The following MCPH1 variants were observed in gnomAD, a reference collection of about 807,000 sequenced individuals.
MCPH1 encodes microcephalin 1, also known as microcephalin.
A neutral mutation model predicts 84.5 loss-of-function variants in MCPH1; 104 were observed. The observed-to-expected ratio is 1.23, with a 90% CI of 1.05 to 1.45. MCPH1 has a LOEUF of 1.45. MCPH1 is among the 40% of genes most tolerant of loss of function. The pLI is 0.00. For synonymous variants in MCPH1, 514 were observed against 366.8 expected (o/e 1.40, Z -4.58); for missense variants, 1,498 against 1,005.7 (o/e 1.49, Z -6.62).
chr8:6,569,431 A>G (rs1336334300), intron 12 of MCPH1, among the ~76,000 whole-genome samples: 1 of 152,220 alleles, frequency 6.6e-6, no homozygotes, highest in Non-Finnish European at 1.5e-5. Flanking sequence ...GCTGCTCATC[A>G]TGTTACACTA....
intron 12 of MCPH1, among the ~76,000 whole-genome samples, chr8:6,582,674 C>A (rs1434372555): frequency 6.6e-6 from 1 of 152,196 alleles, no homozygotes; most frequent in African/African-American, 2.4e-5. Flanking sequence ...CATTACCCTG[C>A]CTTCCCCGTC....
intron 11 of MCPH1, among the ~76,000 whole-genome samples, chr8:6,496,092 A>G (rs904768143): frequency 1.3e-5 from 2 of 152,232 alleles, no homozygotes; most frequent in Non-Finnish European, 2.9e-5. Context: ...ACATTGTAAT[A>G]TATAATGAAG....
chr8:6,532,587 A>AAAG, intron 12 of MCPH1: 1 of 892,444 alleles, frequency 1.1e-6, no homozygotes, highest in East Asian at 3.0e-5. Flanking sequence ...AAAAAAAAAA[A>AAAG]AAAAATCTAT....
chr8:6,450,406 G>C (rs1804962311), intron 8 of MCPH1, among the ~76,000 whole-genome samples: 1 of 151,396 alleles, frequency 6.6e-6, no homozygotes, highest in Admixed American at 6.6e-5. Context: ...CTGCAAACTT[G>C]CACTCAGCAC....
At position 6,420,261 on chromosome 8, in the gene MCPH1, G is replaced by C. The variant is rs897343449; in HGVS notation, c.233+5378G>C. 2.0e-5 allele frequency among the ~76,000 whole-genome samples: 3 copies of C among 152,052 alleles called. No homozygotes were observed. In the East Asian group the frequency reaches 5.8e-4, roughly 29 times the overall value. On this transcript the variant is annotated intron_variant, in intron 3 of 13. Transcript: ENST00000344683. ...GGAGTGGGTGCTGTGAGCTGTGTGG[G>C]TTCTCTGTTGTGGCAGTTGTGCTGG...
intron 12 of MCPH1, among the ~76,000 whole-genome samples, chr8:6,539,410 G>T (rs1435607037): frequency 6.6e-6 from 1 of 152,162 alleles, no homozygotes; most frequent in Non-Finnish European, 1.5e-5. Context: ...AAGGCCGAGG[G>T]AGGGAAGCCT....
chr8:6,620,470 AG>A (rs1428027252), intron 12 of MCPH1, among the ~76,000 whole-genome samples: 1 of 151,916 alleles, frequency 6.6e-6, no homozygotes, highest in Non-Finnish European at 1.5e-5. Flanking sequence ...CCTGCCTCCG[AG>A]GTCAGCCTTG....
At chr8:6,620,764 G>A (rs1224670646) in intron 12 of MCPH1, among the ~76,000 whole-genome samples, 5 of 152,118 alleles carry the variant, frequency 3.3e-5, no homozygotes, top group African/African-American at 1.2e-4. Flanking sequence ...CCTTCCCGCG[G>A]TCCTCTGAGT....
rs370842740 is a variant in MCPH1, at chr8:6,621,643, G to A, written c.2404G>A (p.Gly802Arg). Residue 802 changes from glycine to arginine, a missense_variant, in exon 13 of 14, where the codon GGA becomes AGA. Gly to Arg is a moderately radical substitution (Grantham distance 125). Coordinates refer to ENST00000344683, the MANE Select transcript of MCPH1 (RefSeq NM_024596.5). ...CAGCATCGTCATCGGGCCCTACAGC[G>A]GAAAGAAGAAAGCCACAGTCAAGTA... ...QASIVIGPYS[G>R]KKKATVKYLS... 5.5e-5 allele frequency: 88 copies of A among 1,614,094 alleles called. No individual in the cohort carries two copies. Among genetic ancestry groups the A allele is most frequent in the African/African-American group, 3.3e-4 (25 of 74,932 alleles).
In MCPH1 at chr8:6,606,868, G is replaced by A. The variant is rs59515526; in HGVS notation, c.2215-14586G>A. ...CATAAGGGGGAGTTTCCCTGCACAA[G>A]CTCTCTTCTCTTGTTTGCCACCATG... is the stretch of plus-strand genomic sequence containing the variant. On this transcript the variant is annotated intron_variant, in intron 12 of 13. Coordinates refer to ENST00000344683, the MANE Select transcript of MCPH1 (RefSeq NM_024596.5). Among the ~76,000 whole-genome samples, 129 of 152,282 alleles carry A rather than the reference G, an allele frequency of 8.5e-4. 1 individual carries two copies. The highest frequency in any genetic ancestry group is 3.0e-3 in the African/African-American group (124 of 41,560).
At chr8:6,551,306 G>C (rs566319188) in intron 12 of MCPH1, among the ~76,000 whole-genome samples, 1 of 152,294 alleles carries the variant, frequency 6.6e-6, no homozygotes, top group African/African-American at 2.4e-5. Context: ...AAGGGGAAAG[G>C]AAGAATAGTG....
chr8:6,494,080 A>C (rs1210309596), intron 11 of MCPH1: 1 of 152,050 alleles, frequency 6.6e-6, no homozygotes, highest in Non-Finnish European at 1.5e-5. Context: ...AGCTGGGATT[A>C]CAGGTGCATG....
chr8:6,622,290 G>A (rs1361531152), intron 13 of MCPH1: 14 of 164,400 alleles, frequency 8.5e-5, no homozygotes, highest in Admixed American at 7.8e-4. Flanking sequence ...GAGGTGGTAG[G>A]AGCTGAGCTG....
chr8:6,642,950 G>T, intron 13 of MCPH1, 44 bp from the exon 14 acceptor site: 1 of 1,565,740 alleles, frequency 6.4e-7, no homozygotes, highest in Non-Finnish European at 8.8e-7. Flanking sequence ...TTCCTATGTG[G>T]CTGGCTATTA....
rs1469273743 is a variant in MCPH1 at position 6,647,963 on chromosome 8, AG to A, written c.*4915del. The A allele has an allele frequency of 6.6e-6, 1 of 152,208 alleles. No individual in the cohort carries two copies. The highest frequency in any genetic ancestry group is 6.5e-5 in the Admixed American group (1 of 15,280). The allele number at this position is 152,208 out of a possible 1,614,324, so 9.4% of individuals were successfully genotyped here. ...AGAGAGAGAACGAGAGCTACATGGCAGCCCCAGGGCAATAGCTCTCAGATCT... is the reference window on the plus strand; with the variant it reads ...AGAGAGAGAACGAGAGCTACATGGCACCCCAGGGCAATAGCTCTCAGATCT... On this transcript the variant is annotated 3_prime_UTR_variant, in exon 14 of 14. Coordinates refer to ENST00000344683, the MANE Select transcript of MCPH1 (RefSeq NM_024596.5).
chr8:6,443,457 A>C (rs1312761799), intron 7 of MCPH1, among the ~76,000 whole-genome samples: 1 of 150,108 alleles, frequency 6.7e-6, no homozygotes, highest in Non-Finnish European at 1.5e-5. Context: ...TTAAAGTAGA[A>C]CTTCAGTGAT....
intron 8 of MCPH1, chr8:6,447,342 AC>A: frequency 3.0e-6 from 3 of 985,300 alleles, no homozygotes; most frequent in Non-Finnish European, 3.6e-6. Context: ...AGGGGTGAAA[AC>A]TTCTGTACAG....
At chr8:6,444,372 C>T in intron 7 of MCPH1, 21 bp from the exon 8 acceptor site, 1 of 1,613,700 alleles carries the variant, frequency 6.2e-7, no homozygotes, top group Non-Finnish European at 8.5e-7. Context: ...TAAAAGTTAG[C>T]TCTCCGTTAA....
At chr8:6,500,195 T>A in intron 12 of MCPH1, 3 of 452,720 alleles carry the variant, frequency 6.6e-6, no homozygotes, top group Non-Finnish European at 1.2e-5. Context: ...AAAACAAAAA[T>A]GAAAAAAGAC....
Sources: allele counts gnomAD v4.1 joint callset (sites outside exome capture counted in the v4.1 genomes callset), GRCh38; gene constraint gnomAD v4.1.1; transcripts MANE v1.5; gene names NCBI Gene and HGNC (gene_info 2026-07-23, HGNC 2026-07-21).